Variants in FSIP2 observed in about 807,000 individuals in gnomAD.
FSIP2 encodes the protein fibrous sheath-interacting protein 2.
FSIP2 carries 367 observed loss-of-function variants against 510.5 expected under a neutral mutation model. The ratio of observed to expected loss-of-function variants is 0.72; its 90% CI spans 0.66 to 0.78. The LOEUF is 0.78. Ranked by LOEUF, FSIP2 falls within the 30% of genes least tolerant of loss-of-function variation. FSIP2 has a pLI of 0.00. For missense variants in FSIP2, 7,594 were observed against 7,901.7 expected (o/e 0.96, Z 1.48); for synonymous variants, 2,601 against 2,732.2 (o/e 0.95, Z 1.50).
chr2:185,809,213 T>A (rs1032708401), intron 17 of FSIP2, 80 bp downstream of exon 17: 1 of 1,431,530 alleles, frequency 7.0e-7, no homozygotes, highest in African/African-American at 1.4e-5. Context: ...CAAATAAGTA[T>A]ATGGAAATGC....
Position 185,796,602 on chromosome 2 carries a change from A to G in FSIP2, c.9466A>G (p.Asn3156Asp). Reference protein sequence around the residue: ...FQGAENAYTVNQVELATNMKM... With the variant: ...FQGAENAYTVDQVELATNMKM... The stretch of plus-strand genomic sequence containing the variant: ...AGGAGCTGAAAATGCCTACACTGTT[A>G]ATCAGGTTGAATTAGCAACTAATAT... The change falls in exon 16 of 23, where the codon AAT becomes GAT. Residue 3156 changes from asparagine to aspartate, a missense_variant. Physicochemically the swap from Asn to Asp is conservative, Grantham distance 23 (BLOSUM62 1). Transcript: ENST00000424728. 11 of 1,535,140 alleles carry G rather than the reference A, an allele frequency of 7.2e-6. No individual in the cohort carries two copies. Among genetic ancestry groups the G allele is most frequent in the Non-Finnish European group, 9.6e-6 (11 of 1,146,242 alleles).
chr2:185,796,527 T>A lies in FSIP2; in HGVS notation c.9391T>A (p.Tyr3131Asn). 1 of 1,535,004 alleles carries A rather than the reference T, an allele frequency of 6.5e-7. No homozygotes were observed. The highest frequency in any genetic ancestry group is 1.2e-5 in the South Asian group (1 of 84,044). Reference protein sequence around the residue: ...IIGTLMDQCTYFNESLIQNLS... With the variant: ...IIGTLMDQCTNFNESLIQNLS... Reference sequence around the variant, plus strand: ...TGGCACACTAATGGACCAGTGTACTTATTTCAATGAGTCTTTGATACAAAA... The same window carrying A: ...TGGCACACTAATGGACCAGTGTACTAATTTCAATGAGTCTTTGATACAAAA... The change falls in exon 16 of 23, where the codon TAT becomes AAT. Residue 3131 changes from tyrosine to asparagine, a missense_variant. Transcript: ENST00000424728.
At chr2:185,816,603 A>C (rs1304164746) in intron 19 of FSIP2, among the ~76,000 whole-genome samples, 1 of 151,834 alleles carries the variant, frequency 6.6e-6, no homozygotes, top group Non-Finnish European at 1.5e-5. Flanking sequence ...TTTGGGAGGC[A>C]GAGGCATGAA....
At chr2:185,798,988 GATATATA>G (rs1650219959) in intron 16 of FSIP2, among the ~76,000 whole-genome samples, 1 of 151,750 alleles carries the variant, frequency 6.6e-6, no homozygotes, top group Non-Finnish European at 1.5e-5. Flanking sequence ...AACACATGAA[GATATATA>G]ATATATAATT....
In FSIP2 at chr2:185,792,047, T is replaced by G. The variant is rs1693143710; in HGVS notation, c.4911T>G (p.Ser1637=). ...ACACACATGAAGCATCATTTCTGTC[T>G]GCTTTATATATGCATGCAAAGAAGG... is the stretch of plus-strand genomic sequence containing the variant. The part of the protein sequence containing the change: ...SRDTHEASFL[S]ALYMHAKKVS... Residue 1637 remains serine (S), a synonymous_variant, in exon 16 of 23, where the codon TCT becomes TCG. Transcript: ENST00000424728. The G allele has an allele frequency of 2.0e-6, 3 of 1,534,102 alleles. No homozygotes were observed. Among genetic ancestry groups the G allele is most frequent in the Non-Finnish European group, 2.6e-6 (3 of 1,145,416 alleles).
intron 7 of FSIP2, among the ~76,000 whole-genome samples, chr2:185,751,682 G>T (rs373801168): frequency 6.6e-6 from 1 of 150,612 alleles, no homozygotes; most frequent in African/African-American, 2.4e-5. Flanking sequence ...TTTTTCTTTT[G>T]ATTTTTAATG....
rs117311115 is a variant in FSIP2, at chr2:185,753,980, T to C, written c.991+138T>C. The C allele has an allele frequency of 1.4e-4, 70 of 493,674 alleles. No homozygotes were observed. In the East Asian group the frequency reaches 2.5e-3, roughly 17 times the overall value. 30.6% of individuals were successfully genotyped at this position (493,674 alleles called of 1,614,324 possible). The stretch of plus-strand genomic sequence containing the variant: ...CATTGTTCTAGGCATTTCTGTAGTA[T>C]AGTTCAAGTTGAAAAGTAGGCATAT... On this transcript the variant is annotated intron_variant, in intron 8 of 22. Transcript: ENST00000424728.
chr2:185,802,022 G>A lies in FSIP2; in HGVS notation c.12716G>A (p.Ser4239Asn). ...VSIQKSIVSR[S>N]PIMIDQIASF... ...ATACAAAAAAGTATAGTAAGCCGAA[G>A]CCCAATTATGATTGACCAAATAGCC... Residue 4239 changes from serine (S) to asparagine (N), a missense_variant, in exon 17 of 23, where the codon AGC becomes AAC. Transcript: ENST00000424728. 6.5e-7 allele frequency: 1 copy of A among 1,530,020 alleles called. No individual in the cohort carries two copies. The highest frequency in any genetic ancestry group is 8.7e-7 in the Non-Finnish European group (1 of 1,144,044). The allele number at this position is 1,530,020 out of a possible 1,614,324, so 94.8% of individuals were successfully genotyped here. A position where few individuals can be genotyped will look rare whatever the true frequency, so the allele number is the denominator to read the frequency against.
rs1192384833 is a variant in FSIP2, at chr2:185,792,707, T to G, written c.5571T>G (p.Ala1857=). 12 of 1,533,814 alleles carry G rather than the reference T, an allele frequency of 7.8e-6. No individual in the cohort carries two copies. Among genetic ancestry groups the G allele is most frequent in the Non-Finnish European group, 1.0e-5 (12 of 1,145,458 alleles). The change falls in exon 16 of 23, where the codon GCT becomes GCG. Residue 1857 remains alanine (A), a synonymous_variant. Coordinates refer to ENST00000424728, the MANE Select transcript of FSIP2 (RefSeq NM_173651.4). The part of the protein sequence containing the change: ...VRTVFHKLYS[A]AMTERNVREN... ...CTGTATTTCACAAACTTTATTCAGC[T>G]GCCATGACAGAAAGAAATGTAAGGG...
Position 185,796,527 on chromosome 2 carries a change from T to C in FSIP2, c.9391T>C (p.Tyr3131His). The change falls in exon 16 of 23, where the codon TAT becomes CAT. Residue 3131 changes from tyrosine (Y) to histidine (H), a missense_variant. Physicochemically the swap from Tyr to His is moderately conservative, Grantham distance 83. Transcript: ENST00000424728. The part of the protein sequence containing the change: ...IIGTLMDQCT[Y>H]FNESLIQNLS... ...TGGCACACTAATGGACCAGTGTACTTATTTCAATGAGTCTTTGATACAAAA... is the reference window on the plus strand; with the variant it reads ...TGGCACACTAATGGACCAGTGTACTCATTTCAATGAGTCTTTGATACAAAA... The C allele has an allele frequency of 6.5e-7, 1 of 1,535,004 alleles. No homozygotes were observed. Among genetic ancestry groups the C allele is most frequent in the Non-Finnish European group, 8.7e-7 (1 of 1,146,132 alleles).
At position 185,801,598 on chromosome 2, in the gene FSIP2, G is replaced by A. The variant is rs1023078247; in HGVS notation, c.12292G>A (p.Glu4098Lys). The change falls in exon 17 of 23, where the codon GAA becomes AAA. Residue 4098 changes from glutamate to lysine, a missense_variant. Coordinates refer to ENST00000424728, the MANE Select transcript of FSIP2 (RefSeq NM_173651.4). ...LDYKLPSCFK[E>K]HLIPHSYYPL... Reference sequence around the variant, plus strand: ...CTACAAACTGCCATCTTGCTTCAAGGAACATCTCATACCCCATTCATATTA... The same window carrying A: ...CTACAAACTGCCATCTTGCTTCAAGAAACATCTCATACCCCATTCATATTA... The A allele has an allele frequency of 1.3e-6, 2 of 1,533,740 alleles. No homozygotes were observed. Among genetic ancestry groups the A allele is most frequent in the African/African-American group, 1.4e-5 (1 of 72,806 alleles).
chr2:185,765,171 T>C (rs922518587), intron 13 of FSIP2: 2 of 151,994 alleles, frequency 1.3e-5, no homozygotes, highest in Non-Finnish European at 2.9e-5. Context: ...CTTACAATAT[T>C]TTTGACTTAC....
chr2:185,750,039 T>C (rs865808287), intron 7 of FSIP2, among the ~76,000 whole-genome samples: 6 of 151,736 alleles, frequency 4.0e-5, no homozygotes, highest in Non-Finnish European at 7.4e-5. Flanking sequence ...GATTGTATTA[T>C]CATTTTACAT....
Position 185,813,531 on chromosome 2 carries a change from A to C in FSIP2, c.19828-14A>C. 6.8e-7 allele frequency: 1 copy of C among 1,480,856 alleles called. No homozygotes were observed. The highest frequency in any genetic ancestry group is 2.1e-4 in the Middle Eastern group (1 of 4,730). 91.7% of individuals were successfully genotyped at this position (1,480,856 alleles called of 1,614,324 possible). On this transcript the variant is annotated splice_polypyrimidine_tract_variant and intron_variant, in intron 17 of 22. Coordinates refer to ENST00000424728, the MANE Select transcript of FSIP2 (RefSeq NM_173651.4). The stretch of plus-strand genomic sequence containing the variant: ...GGCATTTGATTTTAATATTTGCTAT[A>C]CCTTTAATTTCAGGCCGTTGCTAGA...
At chr2:185,737,883 C>A (rs1478277500), upstream of FSIP2, among the ~76,000 whole-genome samples, 4 of 152,078 alleles carry the variant, frequency 2.6e-5, no homozygotes, top group East Asian at 7.7e-4. Context: ...TCAGGAGCCA[C>A]CATTTAACAG....
intron 14 of FSIP2, chr2:185,783,735 T>C (rs528450159): frequency 6.6e-6 from 1 of 152,316 alleles, no homozygotes; most frequent in Admixed American, 6.5e-5. Context: ...ACTTATTTGA[T>C]ACAAACGTTT....
rs1559026187 is a variant in FSIP2, at chr2:185,791,071, T to G, written c.3935T>G (p.Leu1312Arg). 2.0e-6 allele frequency: 3 copies of G among 1,532,078 alleles called. No homozygotes were observed. Among genetic ancestry groups the G allele is most frequent in the Non-Finnish European group, 2.6e-6 (3 of 1,144,774 alleles). The allele number at this position is 1,532,078 out of a possible 1,614,324, so 94.9% of individuals were successfully genotyped here. ...VLCAIQNELE[L>R]HKENLNLREI... ...TGTGCTATCCAGAATGAACTGGAAC[T>G]TCACAAGGAAAACCTAAATCTTAGG... Residue 1312 changes from leucine to arginine, a missense_variant, in exon 16 of 23, where the codon CTT (leucine) becomes CGT (arginine). Coordinates refer to ENST00000424728, the MANE Select transcript of FSIP2 (RefSeq NM_173651.4).
intron 7 of FSIP2, among the ~76,000 whole-genome samples, chr2:185,749,375 A>C (rs1257333970): frequency 6.6e-6 from 1 of 151,942 alleles, no homozygotes; most frequent in East Asian, 1.9e-4. Context: ...CTTTTCATAA[A>C]TTCATCCCTA....
chr2:185,745,771 C>G (rs1692016931), intron 5 of FSIP2, among the ~76,000 whole-genome samples: 1 of 152,008 alleles, frequency 6.6e-6, no homozygotes, highest in Non-Finnish European at 1.5e-5. Context: ...AGGGATAAGC[C>G]AAACTGGTTA....
Sources: gnomAD v4.1 joint callset for allele counts (sites outside exome capture counted in the v4.1 genomes callset) on GRCh38, gnomAD v4.1.1 for gene constraint, MANE v1.5 for transcripts, NCBI Gene and HGNC (gene_info 2026-07-23, HGNC 2026-07-21) for gene names.